PEPD: variants seen among roughly 807,000 people sequenced by gnomAD.
The protein encoded by PEPD is peptidase D.
A neutral mutation model predicts 60.7 loss-of-function variants in PEPD; 53 were observed. The observed-to-expected ratio is 0.87, with a 90% CI of 0.70 to 1.10. The LOEUF (loss-of-function observed/expected upper bound fraction) is 1.10. Among genes scored for constraint, PEPD ranks in the 50% least tolerant of loss-of-function variants. The probability of loss-of-function intolerance (pLI) is 0.00; values close to 1 mark genes in which losing one functional copy is unlikely to be tolerated. For synonymous variants in PEPD, 267 were observed against 284.1 expected (o/e 0.94, Z 0.60); for missense variants, 711 against 711.9 (o/e 1.00, Z 0.01).
intron 12 of PEPD, among the ~76,000 whole-genome samples, chr19:33,398,782 TAAG>T (rs1168284354): frequency 1.3e-5 from 2 of 152,202 alleles, no homozygotes; most frequent in Non-Finnish European, 2.9e-5. Context: ...TCAGAAAGAA[TAAG>T]AAGGGACGCA....
chr19:33,504,255 T>G (rs1478546173), intron 3 of PEPD, among the ~76,000 whole-genome samples: 1 of 151,984 alleles, frequency 6.6e-6, no homozygotes, highest in African/African-American at 2.4e-5. Context: ...CATGATTTGG[T>G]GGGGTTGATG....
intron 9 of PEPD, among the ~76,000 whole-genome samples, chr19:33,420,665 G>A (rs925785454): frequency 9.2e-5 from 14 of 151,872 alleles, no homozygotes; most frequent in Admixed American, 8.5e-4. Flanking sequence ...TCGCACCAGT[G>A]CACTCCAGCC....
At chr19:33,485,312 G>A (rs1970376602) in intron 6 of PEPD, among the ~76,000 whole-genome samples, 1 of 152,062 alleles carries the variant, frequency 6.6e-6, no homozygotes, top group African/African-American at 2.4e-5. Context: ...TGGCCAACAT[G>A]GTGAACGCTG....
chr19:33,411,585 C>T (rs1352427943), intron 11 of PEPD, 87 bp downstream of exon 11: 10 of 766,478 alleles, frequency 1.3e-5, no homozygotes, highest in Non-Finnish European at 1.9e-5. Context: ...AGGACAGGGA[C>T]CCAGAGGCTT....
intron 3 of PEPD, 51 bp downstream of exon 3, chr19:33,510,977 C>G (rs1349955302): frequency 6.3e-7 from 1 of 1,584,188 alleles, no homozygotes; most frequent in Non-Finnish European, 8.6e-7. Context: ...CCCCTACCCA[C>G]CCCCAGCCCA....
rs1328253335 is a variant in PEPD, at chr19:33,462,742, G to T, written c.671+253C>A. ...CCTGCAAATGGCAGAAACAAAGTCC[G>T]AGAGTAGAATGGTGGGGCACTAAAC... is the stretch of plus-strand genomic sequence containing the variant. On this transcript the variant is annotated intron_variant, in intron 9 of 14. Transcript: ENST00000244137. 2.6e-5 allele frequency among the ~76,000 whole-genome samples: 4 copies of T among 152,214 alleles called. No homozygotes were observed. The South Asian group carries it at 8.3e-4, about 32-fold the overall frequency.
rs528181870 is a variant in PEPD, at chr19:33,442,658, G to A, written c.671+20337C>T. On this transcript the variant is annotated intron_variant, in intron 9 of 14. Coordinates refer to ENST00000244137, the MANE Select transcript of PEPD (RefSeq NM_000285.4). ...TGGGATGCAGAGGTTGCAGTGAGCC[G>A]AGATTGTGCCACTGCACTCCAGCCT... Among the ~76,000 whole-genome samples, 29 of 151,988 alleles carry A rather than the reference G, an allele frequency of 1.9e-4. No homozygotes were observed. The South Asian group carries it at 5.6e-3, about 29-fold the overall frequency.
chr19:33,465,731 G>A (rs575755558), intron 7 of PEPD, among the ~76,000 whole-genome samples: 280 of 152,116 alleles, frequency 1.8e-3, no homozygotes, highest in African/African-American at 6.3e-3. Context: ...TTTACAGATA[G>A]CGACACTGAG....
chr19:33,401,986 C>G, intron 11 of PEPD, 117 bp from the exon 12 acceptor site: 2 of 926,004 alleles, frequency 2.2e-6, no homozygotes, highest in Non-Finnish European at 3.4e-6. Flanking sequence ...GGATGCAACT[C>G]CCCCTCACAA....
intron 9 of PEPD, among the ~76,000 whole-genome samples, chr19:33,444,602 C>T (rs1969556186): frequency 6.6e-6 from 1 of 150,518 alleles, no homozygotes; most frequent in Non-Finnish European, 1.5e-5. Context: ...ACTCACCCTC[C>T]AGCCCCCTCC....
intron 7 of PEPD, among the ~76,000 whole-genome samples, chr19:33,470,064 G>C (rs966500062): frequency 1.3e-5 from 2 of 151,826 alleles, no homozygotes; most frequent in Admixed American, 6.6e-5. Flanking sequence ...CAGAGACCCG[G>C]GCGTCATCCT....
intron 11 of PEPD, among the ~76,000 whole-genome samples, chr19:33,410,449 G>A (rs1411307830): frequency 1.3e-5 from 2 of 152,234 alleles, no homozygotes; most frequent in Non-Finnish European, 2.9e-5. Flanking sequence ...TCTGTCCATA[G>A]GTCTGGGCAT....
At chr19:33,490,406 C>G (rs1970476591) in intron 5 of PEPD, among the ~76,000 whole-genome samples, 1 of 152,226 alleles carries the variant, frequency 6.6e-6, no homozygotes, top group Non-Finnish European at 1.5e-5. Flanking sequence ...AATCTGCTCT[C>G]CCCAGCCTGG....
rs774230871 is a variant in PEPD, at chr19:33,521,786, A to G, written c.-26T>C. On this transcript the variant is annotated 5_prime_UTR_variant, in exon 1 of 15. Coordinates refer to ENST00000244137, the MANE Select transcript of PEPD (RefSeq NM_000285.4). ...GTTCGCCCGGCACCGGCGTCACGTG[A>G]AGTGCGGCGTCAGCTGAGCCCCTCC... The G allele has an allele frequency of 6.4e-7, 1 of 1,565,102 alleles. No individual in the cohort carries two copies. The highest frequency in any genetic ancestry group is 8.6e-7 in the Non-Finnish European group (1 of 1,160,384).
intron 13 of PEPD, chr19:33,388,465 A>G (rs953696003): frequency 4.3e-5 from 17 of 394,574 alleles, no homozygotes; most frequent in Non-Finnish European, 8.2e-5. Context: ...AAGCCAAAAA[A>G]GCTCTTAAGG....
chr19:33,387,306 G>T lies in PEPD; in HGVS notation c.*38C>A. ...TGCCCATCACGAAAAGAGGTTGCAA[G>T]GCCAGGCCCCCAGGTGCGCTGGGAT... On this transcript the variant is annotated 3_prime_UTR_variant, in exon 15 of 15. Coordinates refer to ENST00000244137, the MANE Select transcript of PEPD (RefSeq NM_000285.4). The T allele has an allele frequency of 1.9e-6, 3 of 1,612,056 alleles. No individual in the cohort carries two copies. Among genetic ancestry groups the T allele is most frequent in the Non-Finnish European group, 2.5e-6 (3 of 1,179,202 alleles).
intron 7 of PEPD, among the ~76,000 whole-genome samples, chr19:33,475,647 G>A (rs1278973677): frequency 6.6e-6 from 1 of 152,168 alleles, no homozygotes; most frequent in African/African-American, 2.4e-5. Flanking sequence ...TTAGGAGATG[G>A]CAGGAGTACA....
intron 11 of PEPD, among the ~76,000 whole-genome samples, chr19:33,403,461 C>A (rs1193078207): frequency 1.3e-5 from 2 of 152,184 alleles, no homozygotes; most frequent in Admixed American, 1.3e-4. Flanking sequence ...GGCACAGCCG[C>A]GGCTTCCGTC....
At chr19:33,471,174 CT>C (rs1970113346) in intron 7 of PEPD, among the ~76,000 whole-genome samples, 1 of 152,178 alleles carries the variant, frequency 6.6e-6, no homozygotes, top group Non-Finnish European at 1.5e-5. Context: ...AGGCAGTTCT[CT>C]GATGAAACCA....
Sources: allele counts gnomAD v4.1 joint callset (sites outside exome capture counted in the v4.1 genomes callset), GRCh38; gene constraint gnomAD v4.1.1; transcripts MANE v1.5; gene names NCBI Gene and HGNC (gene_info 2026-07-23, HGNC 2026-07-21).